Variants in MYO15B observed in about 807,000 individuals in gnomAD.
MYO15B encodes the protein myosin XVB.
In MYO15B, 207 loss-of-function variants were observed where a neutral mutation model predicts 119.3. That is an observed-to-expected ratio of 1.73 (90% CI 1.55 to 1.95). The LOEUF (loss-of-function observed/expected upper bound fraction) is 1.95, where lower values mean the gene tolerates loss of function less well. Ranked by LOEUF, MYO15B falls within the 30% of genes most tolerant of loss-of-function variation. The pLI is 0.00. For missense variants in MYO15B, 2,264 were observed against 1,203.1 expected (o/e 1.88, Z -13.04); for synonymous variants, 966 against 498.9 (o/e 1.94, Z -12.48).
At chr17:75,608,798 G>C (rs199957292) in intron 21 of MYO15B, among the ~76,000 whole-genome samples, 1 of 151,730 alleles carries the variant, frequency 6.6e-6, no homozygotes, top group African/African-American at 2.4e-5. Flanking sequence ...CAATGGCTTG[G>C]TCTCAGCTCA....
At chr17:75,595,102 AG>A (rs2056768026) in intron 12 of MYO15B, 130 bp downstream of exon 12, 1 of 625,352 alleles carries the variant, frequency 1.6e-6, no homozygotes, top group Non-Finnish European at 2.9e-6. Flanking sequence ...GGGCGCTTTC[AG>A]GGCTCCTTCT....
chr17:75,588,427 C>T (rs1473962051), exon 1 of MYO15B: 1 of 398,462 alleles, frequency 2.5e-6, no homozygotes, highest in Non-Finnish European at 4.4e-6. Context: ...GCTGGGCGGC[C>T]GCCGTAGGAG....
intron 12 of MYO15B, 95 bp downstream of exon 12, chr17:75,595,067 T>C: frequency 1.5e-6 from 1 of 657,832 alleles, no homozygotes; most frequent in Non-Finnish European, 2.8e-6. Flanking sequence ...CTGGGGGCAC[T>C]CGCGAGGTGC....
intron 7 of MYO15B, 50 bp downstream of exon 7, chr17:75,592,351 G>A (rs2056524471): frequency 1.4e-6 from 1 of 701,202 alleles, no homozygotes; most frequent in African/African-American, 1.7e-5. Flanking sequence ...GAGTAGGAAG[G>A]GCAGAGGGTG....
rs528431983 is a variant in MYO15B at position 75,625,773 on chromosome 17, G to A, written c.8939-71G>A. 35 of 701,186 alleles carry A rather than the reference G, an allele frequency of 5.0e-5. No individual in the cohort carries two copies. In the East Asian group the frequency reaches 9.4e-4, roughly 19 times the overall value. The allele number at this position is 701,186 out of a possible 1,614,324, so 43.4% of individuals were successfully genotyped here. On this transcript the variant is annotated intron_variant, in intron 61 of 63. Coordinates refer to ENST00000645453, the Ensembl canonical transcript of MYO15B. Reference sequence around the variant, plus strand: ...CTGCCCTGTCCCTCTCAGCTGACCTGGGGGACCAAGCAGAGCAGGTTCCAG... The same window carrying A: ...CTGCCCTGTCCCTCTCAGCTGACCTAGGGGACCAAGCAGAGCAGGTTCCAG...
At chr17:75,592,186 C>T in intron 6 of MYO15B, 52 bp from the exon 7 acceptor site, 2 of 701,654 alleles carry the variant, frequency 2.9e-6, no homozygotes. Flanking sequence ...CTGCACGGGG[C>T]CCCTGGGTGT....
Position 75,591,961 on chromosome 17 carries a change from AC to A in MYO15B, c.2548-12del, listed in dbSNP as rs2056490653. The A allele has an allele frequency of 1.4e-6, 1 of 699,488 alleles. No individual in the cohort carries two copies. Among genetic ancestry groups the A allele is most frequent in the Non-Finnish European group, 2.6e-6 (1 of 383,182 alleles). The allele number at this position is 699,488 out of a possible 1,614,324, so 43.3% of individuals were successfully genotyped here. A position where few individuals can be genotyped will look rare whatever the true frequency, so the allele number is the denominator to read the frequency against. On this transcript the variant is annotated splice_polypyrimidine_tract_variant and intron_variant, in intron 5 of 63. Coordinates refer to ENST00000645453, the Ensembl canonical transcript of MYO15B. ...TACTGCTGCCCAGGGATGCTTGAACACCCCTCCCTGTACAGGTGGAGGATAT... is the reference window on the plus strand; with the variant it reads ...TACTGCTGCCCAGGGATGCTTGAACACCCTCCCTGTACAGGTGGAGGATAT...
chr17:75,617,420 G>A (rs1489625395), intron 41 of MYO15B, 116 bp downstream of exon 41: 8 of 568,862 alleles, frequency 1.4e-5, no homozygotes, highest in Non-Finnish European at 2.2e-5. Context: ...CCAGCTGTTC[G>A]GGCTTCTGGA....
Position 75,615,239 on chromosome 17 carries a change from G to A in MYO15B, c.5642-1G>A. ...CTGACAGGGAGGGCGTGTTCCCTCA[G>A]TGTACCCAGGAATGATTCAGATGCC... On this transcript the variant is annotated splice_acceptor_variant, in intron 33 of 63. Transcript: ENST00000645453. LOFTEE classifies it high-confidence loss of function. 5.7e-6 allele frequency: 4 copies of A among 701,912 alleles called. No individual in the cohort carries two copies. Among genetic ancestry groups the A allele is most frequent in the Non-Finnish European group, 1.0e-5 (4 of 384,358 alleles). 43.5% of individuals were successfully genotyped at this position (701,912 alleles called of 1,614,324 possible).
At position 75,624,234 on chromosome 17, in the gene MYO15B, C is replaced by T. The variant is rs539990499; in HGVS notation, c.8332C>T (p.Arg2778Trp). Residue 2778 changes from arginine (R) to tryptophan (W), a missense_variant, in exon 56 of 64, where the codon CGG (arginine) becomes TGG (tryptophan). Transcript: ENST00000645453. ...CACAGTCAAATATGGGGGGCGCCGG[C>T]GGATGCCCCCACCGGGTGAAATGAA... 63 of 702,982 alleles carry T rather than the reference C, an allele frequency of 9.0e-5. No individual in the cohort carries two copies. The East Asian group carries it at 1.3e-3, about 14-fold the overall frequency. 43.5% of individuals were successfully genotyped at this position (702,982 alleles called of 1,614,324 possible). A position where few individuals can be genotyped will look rare whatever the true frequency, so the allele number is the denominator to read the frequency against.
Position 75,592,303 on chromosome 17 carries a change from T to A in MYO15B, c.2715+2T>A. 1.4e-6 allele frequency: 1 copy of A among 702,814 alleles called. No individual in the cohort carries two copies. The highest frequency in any genetic ancestry group is 2.6e-6 in the Non-Finnish European group (1 of 384,936). 43.5% of individuals were successfully genotyped at this position (702,814 alleles called of 1,614,324 possible). ...GAGACCTCCAGGGTGGTGTTTCAGG[T>A]AAAGGCAGCCCTTCTATCCACCCCT... On this transcript the variant is annotated splice_donor_variant, in intron 7 of 63. Transcript: ENST00000645453. LOFTEE classifies it high-confidence loss of function.
chr17:75,590,051 A>G, exon 1 of MYO15B: 1 of 399,028 alleles, frequency 2.5e-6, no homozygotes, highest in Non-Finnish European at 4.4e-6. Context: ...ACCCGCCTGC[A>G]GCAGGAGGGA....
At chr17:75,588,533 G>C in exon 1 of MYO15B, 1 of 398,680 alleles carries the variant, frequency 2.5e-6, no homozygotes, top group Non-Finnish European at 4.4e-6. Context: ...GGCAGCTCCT[G>C]TCCGGACAGC....
At chr17:75,615,803 C>T (rs1193074392) in exon 36 of MYO15B, 27 of 702,434 alleles carry the variant, frequency 3.8e-5, no homozygotes, top group African/African-American at 7.0e-5. Flanking sequence ...CACCCTCAGC[C>T]GTCACCTCCA....
At chr17:75,623,192 G>A (rs820185) in intron 53 of MYO15B, among the ~76,000 whole-genome samples, 49,072 of 152,056 alleles carry the variant, frequency 0.32, 8,181 homozygotes, top group Middle Eastern at 0.38. Context: ...TTAGCTGGGC[G>A]TGGTGGAGCA....
In MYO15B at chr17:75,625,114, C is replaced by T. The variant is rs1453994367; in HGVS notation, c.8689-9C>T. On this transcript the variant is annotated splice_polypyrimidine_tract_variant and intron_variant, in intron 59 of 63. Transcript: ENST00000645453. The stretch of plus-strand genomic sequence containing the variant: ...CACCGCTGCCCTCCTCACCGTGCTC[C>T]CCGCACAGGTGCTGTGGGACTACCT... 2.9e-6 allele frequency: 2 copies of T among 689,898 alleles called. No homozygotes were observed. Among genetic ancestry groups the T allele is most frequent in the Admixed American group, 2.0e-5 (1 of 49,170 alleles). 42.7% of individuals were successfully genotyped at this position (689,898 alleles called of 1,614,324 possible).
exon 21 of MYO15B, chr17:75,605,897 G>A (rs1052238294): frequency 1.0e-5 from 7 of 701,418 alleles, no homozygotes; most frequent in Middle Eastern, 2.3e-4. Flanking sequence ...GCAGCGGCTG[G>A]AGGAGCTCCG....
chr17:75,619,503 G>A, intron 45 of MYO15B, 27 bp downstream of exon 45: 1 of 698,656 alleles, frequency 1.4e-6, no homozygotes, highest in South Asian at 1.5e-5. Context: ...TAGGGAGTAG[G>A]GATGCCAGGC....
At chr17:75,599,115 C>T (rs2057075716) in intron 14 of MYO15B, among the ~76,000 whole-genome samples, 1 of 152,082 alleles carries the variant, frequency 6.6e-6, no homozygotes, top group African/African-American at 2.4e-5. Context: ...CCAGGCTGGT[C>T]TCAACCTCCT....
Sources: allele counts gnomAD v4.1 joint callset (sites outside exome capture counted in the v4.1 genomes callset), GRCh38; gene constraint gnomAD v4.1.1; transcripts MANE v1.5; gene names NCBI Gene and HGNC (gene_info 2026-07-23, HGNC 2026-07-21).